Variants in TTC34 observed in about 807,000 individuals in gnomAD.
The protein encoded by TTC34 is tetratricopeptide repeat protein 34.
A neutral mutation model predicts 40.7 loss-of-function variants in TTC34; 44 were observed. That is an observed-to-expected ratio of 1.08 (90% confidence interval 0.85 to 1.39). The LOEUF is 1.39. Ranked by LOEUF, TTC34 falls within the 40% of genes most tolerant of loss-of-function variation. TTC34 has a pLI of 0.00. For synonymous variants in TTC34, 422 were observed against 398.6 expected (o/e 1.06, Z -0.70); for missense variants, 884 against 838.0 (o/e 1.05, Z -0.68).
chr1:2,681,866 C>A (rs1458295276), intron 6 of TTC34, among the ~76,000 whole-genome samples: 2 of 107,060 alleles, frequency 1.9e-5, no homozygotes, highest in Non-Finnish European at 4.3e-5. Context: ...AACCCACACG[C>A]CCAGGTGAGC....
At chr1:2,642,621 T>G (rs1638930715) in intron 8 of TTC34, among the ~76,000 whole-genome samples, 1 of 152,132 alleles carries the variant, frequency 6.6e-6, no homozygotes, top group Admixed American at 6.5e-5. Context: ...CTCGCTGGGC[T>G]CCTCCTCCGC....
intron 6 of TTC34, among the ~76,000 whole-genome samples, chr1:2,649,893 A>G (rs1037375911): frequency 7.8e-3 from 613 of 78,334 alleles, no homozygotes; most frequent in Middle Eastern, 0.033. Context: ...TGCATCCCCA[A>G]GTGAGCTTCT....
chr1:2,677,703 A>G (rs1570793063), intron 6 of TTC34, among the ~76,000 whole-genome samples: 2 of 146,134 alleles, frequency 1.4e-5, no homozygotes, highest in African/African-American at 5.0e-5. Context: ...CCAGATGAGC[A>G]TCTGACAGCC....
intron 6 of TTC34, among the ~76,000 whole-genome samples, chr1:2,677,135 C>G (rs370461138): frequency 0.098 from 1,005 of 10,236 alleles, 22 homozygotes; most frequent in Non-Finnish European, 0.16. Context: ...CACAGCCCCA[C>G]GCGAGCATCT....
At chr1:2,787,365 C>T (rs1242755486) in intron 4 of TTC34, 116 bp downstream of exon 4, 16 of 936,992 alleles carry the variant, frequency 1.7e-5, no homozygotes, top group East Asian at 2.8e-5. Flanking sequence ...TGAATGCAGT[C>T]GCCTGGTCCA....
intron 6 of TTC34, among the ~76,000 whole-genome samples, chr1:2,685,167 G>T (rs1313841542): frequency 7.0e-6 from 1 of 143,264 alleles, no homozygotes; most frequent in African/African-American, 2.8e-5. Flanking sequence ...AACCCCACGT[G>T]AGCATCTGAC....
At chr1:2,754,069 CATCTGACAGCCTGGAGCAG>C (rs1641419064) in intron 6 of TTC34, among the ~76,000 whole-genome samples, 2 of 76,772 alleles carry the variant, frequency 2.6e-5, no homozygotes, top group Non-Finnish European at 2.2e-5. Flanking sequence ...CTCAGGTGAG[CATCTGACAGCCTGGAGCAG>C]AACCCACACC....
intron 6 of TTC34, among the ~76,000 whole-genome samples, chr1:2,699,253 C>G (rs1477039615): frequency 2.2e-4 from 33 of 148,130 alleles, no homozygotes; most frequent in African/African-American, 8.2e-4. Context: ...ACCCATACCC[C>G]AAGGCGAGCA....
intron 8 of TTC34, among the ~76,000 whole-genome samples, chr1:2,642,979 C>T (rs1041046370): frequency 6.6e-6 from 1 of 152,268 alleles, no homozygotes; most frequent in Non-Finnish European, 1.5e-5. Context: ...GACCGCCCCT[C>T]TCCGGGCGGA....
At chr1:2,760,365 C>G (rs1641656880) in intron 6 of TTC34, among the ~76,000 whole-genome samples, 1 of 45,952 alleles carries the variant, frequency 2.2e-5, no homozygotes, top group Non-Finnish European at 3.5e-5. Flanking sequence ...ACCCCACACC[C>G]CAAGGTGAGT....
At chr1:2,787,837 G>A (rs1344266162) in intron 3 of TTC34, 131 bp from the exon 4 acceptor site, 6 of 698,960 alleles carry the variant, frequency 8.6e-6, no homozygotes, top group South Asian at 7.0e-5. Flanking sequence ...GGACCCTCAC[G>A]CCACACCATC....
At chr1:2,641,062 GTAT>G (rs1638889262) in exon 9 of TTC34, 1 of 124,962 alleles carries the variant, frequency 8.0e-6, no homozygotes. Flanking sequence ...GGGAAGGGAG[GTAT>G]GGGGAGGGCT....
chr1:2,756,861 C>A (rs1270692270), intron 6 of TTC34, among the ~76,000 whole-genome samples: 245 of 149,322 alleles, frequency 1.6e-3, no homozygotes, highest in Admixed American at 2.4e-3. Flanking sequence ...GGGTCGGCAC[C>A]CACACCTCCA....
chr1:2,642,611 C>A (rs1175282247), intron 8 of TTC34, among the ~76,000 whole-genome samples: 1 of 152,258 alleles, frequency 6.6e-6, no homozygotes, highest in African/African-American at 2.4e-5. Context: ...ATCCGCTCGC[C>A]TCGCTGGGCT....
At chr1:2,789,764 A>G in exon 3 of TTC34, 1 of 623,390 alleles carries the variant, frequency 1.6e-6, no homozygotes. Context: ...CCGGCCGCAC[A>G]GCGCGCGCAC....
At chr1:2,752,667 C>G (rs1641362928) in intron 6 of TTC34, among the ~76,000 whole-genome samples, 2 of 142,764 alleles carry the variant, frequency 1.4e-5, no homozygotes, top group South Asian at 2.3e-4. Context: ...AGGCGAGCAT[C>G]TGACAACCTG....
chr1:2,686,166 G>T (rs61763547), intron 6 of TTC34, among the ~76,000 whole-genome samples: 19,724 of 126,514 alleles, frequency 0.16, 1,943 homozygotes, highest in South Asian at 0.23. Context: ...CATAACCACA[G>T]GTGAACATCG....
At chr1:2,752,503 CAT>C (rs1641356161) in intron 6 of TTC34, among the ~76,000 whole-genome samples, 1 of 15,830 alleles carries the variant, frequency 6.3e-5, no homozygotes, top group African/African-American at 2.1e-4. Context: ...GCCAGGTGAG[CAT>C]CTGACAGCCT....
At chr1:2,657,194 T>C (rs1286228814) in intron 6 of TTC34, among the ~76,000 whole-genome samples, 1 of 115,220 alleles carries the variant, frequency 8.7e-6, no homozygotes, top group African/African-American at 2.9e-5. Flanking sequence ...CAGTTGAGCA[T>C]CTGATGGTCT....
Sources: gnomAD v4.1 joint callset for allele counts (sites outside exome capture counted in the v4.1 genomes callset) on GRCh38, gnomAD v4.1.1 for gene constraint, MANE v1.5 for transcripts, NCBI Gene and HGNC (gene_info 2026-07-23, HGNC 2026-07-21) for gene names.